Variants in SLIT2 observed in about 807,000 individuals in gnomAD.
SLIT2 encodes slit guidance ligand 2, also known as slit homolog 2 protein.
SLIT2 carries 41 observed loss-of-function variants against 185.7 expected under a neutral mutation model. The observed-to-expected ratio is 0.22, with a 90% CI of 0.17 to 0.29. SLIT2 has a LOEUF of 0.29. Ranked by LOEUF, SLIT2 falls within the 10% of genes least tolerant of loss-of-function variation. The pLI, the probability that SLIT2 is intolerant of heterozygous loss-of-function variation, is 1.00. For missense variants in SLIT2, 1,571 were observed against 1,909.0 expected, an observed-to-expected ratio of 0.82 and a Z score of 3.30; for synonymous variants, 693 against 680.2, an observed-to-expected ratio of 1.02 and a Z score of -0.29.
chr4:20,337,339 A>C (rs1030596645), intron 4 of SLIT2, among the ~76,000 whole-genome samples: 1 of 151,990 alleles, frequency 6.6e-6, no homozygotes, highest in African/African-American at 2.4e-5. Flanking sequence ...AAGCCATCAG[A>C]TGTCATGAGA....
chr4:20,269,831 G>C (rs1713415357), intron 4 of SLIT2, among the ~76,000 whole-genome samples: 1 of 151,718 alleles, frequency 6.6e-6, no homozygotes, highest in South Asian at 2.1e-4. Flanking sequence ...AATTCCAGAA[G>C]TAGGAGGACT....
intron 26 of SLIT2, among the ~76,000 whole-genome samples, chr4:20,562,273 A>G (rs1054817499): frequency 6.6e-6 from 1 of 151,788 alleles, no homozygotes; most frequent in African/African-American, 2.4e-5. Flanking sequence ...TCCTTCCTCT[A>G]CAATCTCTTG....
chr4:20,522,566 G>A (rs568038577), intron 12 of SLIT2, among the ~76,000 whole-genome samples: 6 of 152,210 alleles, frequency 3.9e-5, no homozygotes, highest in African/African-American at 1.4e-4. Flanking sequence ...GGAAAGTAGA[G>A]AGCAGAGTAC....
At chr4:20,353,607 C>T (rs1172562907) in intron 4 of SLIT2, among the ~76,000 whole-genome samples, 2 of 152,098 alleles carry the variant, frequency 1.3e-5, no homozygotes, top group African/African-American at 2.4e-5. Context: ...TATTGTACAA[C>T]TCTGTTATGA....
chr4:20,600,833 A>G (rs553345212), intron 33 of SLIT2, among the ~76,000 whole-genome samples: 3 of 152,156 alleles, frequency 2.0e-5, no homozygotes, highest in South Asian at 2.1e-4. Flanking sequence ...CAGAAAAGCT[A>G]TGACCTTATT....
intron 4 of SLIT2, among the ~76,000 whole-genome samples, chr4:20,307,447 A>C (rs901901084): frequency 6.6e-6 from 1 of 151,602 alleles, no homozygotes; most frequent in Non-Finnish European, 1.5e-5. Context: ...ATTTTTTTTC[A>C]TAGAGGCAGG....
intron 9 of SLIT2, among the ~76,000 whole-genome samples, chr4:20,507,178 G>C (rs1293024016): frequency 6.6e-6 from 1 of 151,740 alleles, no homozygotes; most frequent in Non-Finnish European, 1.5e-5. Flanking sequence ...ACTCTTCTTT[G>C]TTTTATAACT....
At chr4:20,391,897 T>C (rs1053777325) in intron 4 of SLIT2, among the ~76,000 whole-genome samples, 17 of 152,072 alleles carry the variant, frequency 1.1e-4, no homozygotes, top group African/African-American at 3.9e-4. Context: ...TGTGCCATCT[T>C]CTAGAGGAAG....
At position 20,471,565 on chromosome 4, in the gene SLIT2, G is replaced by T. The variant is rs182364140; in HGVS notation, c.467+3742G>T. Among the ~76,000 whole-genome samples, 9 of 152,206 alleles carry T rather than the reference G, an allele frequency of 5.9e-5. No homozygotes were observed. The East Asian group carries it at 1.5e-3, about 26-fold the overall frequency. The stretch of plus-strand genomic sequence containing the variant: ...GAGTAAAAGAGAAAAAAAAGAAGCT[G>T]CCCAGGCCATATTTTGTATAGCACT... On this transcript the variant is annotated intron_variant, in intron 5 of 36. Transcript: ENST00000504154.
At chr4:20,529,831 A>G (rs1443669961) in intron 16 of SLIT2, among the ~76,000 whole-genome samples, 2 of 152,138 alleles carry the variant, frequency 1.3e-5, no homozygotes, top group African/African-American at 2.4e-5. Flanking sequence ...CATTCTCTAA[A>G]CATCTTAGCC....
At chr4:20,505,020 G>C (rs1719076485) in intron 9 of SLIT2, among the ~76,000 whole-genome samples, 1 of 152,058 alleles carries the variant, frequency 6.6e-6, no homozygotes, top group Non-Finnish European at 1.5e-5. Context: ...TGCATCCCCT[G>C]TGGGTAAGGG....
At chr4:20,473,704 T>A (rs998313391) in intron 5 of SLIT2, among the ~76,000 whole-genome samples, 4 of 152,012 alleles carry the variant, frequency 2.6e-5, no homozygotes, top group African/African-American at 9.7e-5. Flanking sequence ...ATATTTTTAA[T>A]TTTTTCTCAT....
intron 29 of SLIT2, among the ~76,000 whole-genome samples, chr4:20,579,702 C>T (rs1487869794): frequency 6.6e-6 from 1 of 151,866 alleles, no homozygotes; most frequent in African/African-American, 2.4e-5. Flanking sequence ...AAAAAAACCT[C>T]ACTCTGAGAG....
At chr4:20,345,850 A>G (rs1577473023) in intron 4 of SLIT2, among the ~76,000 whole-genome samples, 1 of 152,096 alleles carries the variant, frequency 6.6e-6, no homozygotes, top group Admixed American at 6.6e-5. Flanking sequence ...ACTTATTTCT[A>G]TGTGACTCTT....
At chr4:20,259,397 T>C (rs1391950138) in intron 3 of SLIT2, among the ~76,000 whole-genome samples, 5 of 151,778 alleles carry the variant, frequency 3.3e-5, no homozygotes, top group Admixed American at 6.6e-5. Flanking sequence ...ATTTAAACTT[T>C]ATGTTTTCAA....
chr4:20,321,519 A>G (rs1719080754), intron 4 of SLIT2, among the ~76,000 whole-genome samples: 1 of 152,214 alleles, frequency 6.6e-6, no homozygotes, highest in African/African-American at 2.4e-5. Flanking sequence ...AGTGGCCAAG[A>G]GACCTAAACA....
chr4:20,617,958 A>T (rs969227593), intron 36 of SLIT2, among the ~76,000 whole-genome samples: 1 of 152,156 alleles, frequency 6.6e-6, no homozygotes, highest in Non-Finnish European at 1.5e-5. Context: ...TTTTTACCTG[A>T]TGGAGAAGCA....
intron 4 of SLIT2, among the ~76,000 whole-genome samples, chr4:20,359,942 A>G (rs1168758779): frequency 6.6e-6 from 1 of 152,090 alleles, no homozygotes; most frequent in Non-Finnish European, 1.5e-5. Context: ...TGCATTTTAG[A>G]GAAGATGTGA....
intron 21 of SLIT2, among the ~76,000 whole-genome samples, chr4:20,543,993 G>A (rs1723037905): frequency 6.6e-6 from 1 of 151,998 alleles, no homozygotes; most frequent in African/African-American, 2.4e-5. Context: ...GTGTCCACAG[G>A]ATGGGGAACA....
Sources: allele counts gnomAD v4.1 joint callset (sites outside exome capture counted in the v4.1 genomes callset), GRCh38; gene constraint gnomAD v4.1.1; transcripts MANE v1.5; gene names NCBI Gene and HGNC (gene_info 2026-07-23, HGNC 2026-07-21).